Variants in VEZT observed in about 807,000 individuals in gnomAD.
VEZT encodes vezatin, adherens junctions transmembrane protein, also known as vezatin.
A neutral mutation model predicts 79.9 loss-of-function variants in VEZT; 39 were observed. That is an observed-to-expected ratio of 0.49 (90% CI 0.38 to 0.64). VEZT has a LOEUF of 0.64. Among genes scored for constraint, VEZT ranks in the 30% least tolerant of loss-of-function variants. The pLI is 0.00. For missense variants in VEZT, 837 were observed against 893.1 expected, an observed-to-expected ratio of 0.94 and a Z score of 0.80; for synonymous variants, 325 against 327.6, an observed-to-expected ratio of 0.99 and a Z score of 0.09.
intron 4 of VEZT, 58 bp from the exon 5 acceptor site, chr12:95,266,299 A>G (rs1040012668): frequency 2.0e-5 from 30 of 1,516,384 alleles, no homozygotes; most frequent in Non-Finnish European, 2.7e-5. Flanking sequence ...TGATTAAAGT[A>G]ATTCATCTTT....
Position 95,302,765 on chromosome 12 carries a change from T to C in VEZT, c.*2092T>C, listed in dbSNP as rs1459088639. The C allele has an allele frequency of 1.3e-5, 2 of 152,224 alleles. No homozygotes were observed. The highest frequency in any genetic ancestry group is 2.9e-5 in the Non-Finnish European group (2 of 68,046). The allele number at this position is 152,224 out of a possible 1,614,324, so 9.4% of individuals were successfully genotyped here. On this transcript the variant is annotated 3_prime_UTR_variant, in exon 12 of 12. Transcript: ENST00000436874. ...TTTGGAATGAGCCATAGGTAATGTT[T>C]ATGTCCAATAAAATCTAGGAACCTC...
chr12:95,259,042 TAA>T (rs1445712488), intron 3 of VEZT, among the ~76,000 whole-genome samples: 1 of 152,216 alleles, frequency 6.6e-6, no homozygotes, highest in Non-Finnish European at 1.5e-5. Context: ...ACGTCAGCAC[TAA>T]AGAGTCTGCA....
intron 1 of VEZT, chr12:95,218,184 C>CGG (rs5800194): frequency 2.8e-4 from 77 of 276,208 alleles, no homozygotes; most frequent in Middle Eastern, 1.0e-3. Flanking sequence ...GGATGTGCGG[C>CGG]GGGGGGGACT....
chr12:95,277,838 T>C (rs2068106906), intron 7 of VEZT, among the ~76,000 whole-genome samples: 1 of 152,268 alleles, frequency 6.6e-6, no homozygotes, highest in African/African-American at 2.4e-5. Flanking sequence ...TAGCTGTTAT[T>C]CTTTAAGAAG....
At chr12:95,241,974 C>T (rs1026121578) in intron 1 of VEZT, among the ~76,000 whole-genome samples, 6 of 152,064 alleles carry the variant, frequency 3.9e-5, no homozygotes, top group Non-Finnish European at 7.4e-5. Context: ...TATTAAAAAG[C>T]GTAGACATTG....
At chr12:95,253,504 C>T (rs2062952601) in intron 2 of VEZT, among the ~76,000 whole-genome samples, 1 of 152,080 alleles carries the variant, frequency 6.6e-6, no homozygotes, top group Non-Finnish European at 1.5e-5. Flanking sequence ...GTGAATGTTC[C>T]TGGGAAGTGG....
intron 10 of VEZT, among the ~76,000 whole-genome samples, chr12:95,294,970 G>C (rs1425930514): frequency 6.6e-6 from 1 of 152,130 alleles, no homozygotes; most frequent in Non-Finnish European, 1.5e-5. Context: ...AGATAAGCAG[G>C]CTTGAATGAT....
At chr12:95,256,890 C>T (rs2063562842) in intron 2 of VEZT, among the ~76,000 whole-genome samples, 1 of 152,116 alleles carries the variant, frequency 6.6e-6, no homozygotes, top group Non-Finnish European at 1.5e-5. Context: ...GGCCTCATTC[C>T]AAATGTATTG....
intron 11 of VEZT, among the ~76,000 whole-genome samples, chr12:95,298,513 G>T (rs956598683): frequency 2.0e-5 from 3 of 151,994 alleles, no homozygotes; most frequent in Admixed American, 6.6e-5. Context: ...TTAAATAGGG[G>T]CCTTATTATC....
intron 1 of VEZT, among the ~76,000 whole-genome samples, chr12:95,230,574 C>CTT (rs56104790): frequency 1.5e-5 from 2 of 137,142 alleles, no homozygotes; most frequent in Non-Finnish European, 1.6e-5. Context: ...GTTATCTCTC[C>CTT]TTTTTTTTTT....
chr12:95,271,040 A>G (rs1445117977), intron 6 of VEZT, among the ~76,000 whole-genome samples: 1 of 152,194 alleles, frequency 6.6e-6, no homozygotes, highest in African/African-American at 2.4e-5. Flanking sequence ...AAACCTTTGT[A>G]GCTAGATTTT....
intron 9 of VEZT, among the ~76,000 whole-genome samples, chr12:95,292,047 A>G (rs2072985733): frequency 6.6e-6 from 1 of 152,146 alleles, no homozygotes; most frequent in African/African-American, 2.4e-5. Context: ...TGATCAGCCC[A>G]TATCAGCCTC....
intron 9 of VEZT, among the ~76,000 whole-genome samples, chr12:95,289,852 T>A (rs2072256700): frequency 6.6e-6 from 1 of 152,232 alleles, no homozygotes; most frequent in Non-Finnish European, 1.5e-5. Context: ...TCCCTAGTTG[T>A]TGACATTCTG....
chr12:95,277,544 T>C (rs1224542533), intron 7 of VEZT, among the ~76,000 whole-genome samples: 1 of 152,236 alleles, frequency 6.6e-6, no homozygotes, highest in African/African-American at 2.4e-5. Context: ...TTTCACACCC[T>C]TTCGAATTTA....
intron 1 of VEZT, chr12:95,218,223 G>T: frequency 4.5e-6 from 1 of 222,988 alleles, no homozygotes; most frequent in Non-Finnish European, 8.8e-6. Flanking sequence ...GCCGAATCGT[G>T]CCTTTTAGAT....
chr12:95,230,186 C>T (rs1418824394), intron 1 of VEZT, among the ~76,000 whole-genome samples: 1 of 151,008 alleles, frequency 6.6e-6, no homozygotes, highest in East Asian at 1.9e-4. Flanking sequence ...TACATTGAGA[C>T]TTCCTGTTGT....
chr12:95,223,315 GT>G (rs536611519), intron 1 of VEZT, among the ~76,000 whole-genome samples: 116 of 152,036 alleles, frequency 7.6e-4, no homozygotes, highest in South Asian at 3.3e-3. Flanking sequence ...TTTTATCTAG[GT>G]TTTCAAAATT....
Position 95,300,344 on chromosome 12 carries a change from G to A in VEZT, c.2011G>A (p.Gly671Ser). The A allele has an allele frequency of 6.2e-7, 1 of 1,612,190 alleles. No homozygotes were observed. Among genetic ancestry groups the A allele is most frequent in the South Asian group, 1.1e-5 (1 of 90,572 alleles). The change falls in exon 12 of 12, where the codon GGT becomes AGT. Residue 671 changes from glycine (G) to serine (S), a missense_variant. Coordinates refer to ENST00000436874, the MANE Select transcript of VEZT (RefSeq NM_017599.4). ...GTATTTATGTGAAAACTCTCTAGAA[G>A]GTAAAAATAAAGATAATTCTTCAAA... Reference protein sequence around the residue: ...TEYLCENSLEGKNKDNSSNEV... With the variant: ...TEYLCENSLESKNKDNSSNEV...
chr12:95,282,086 A>G, intron 7 of VEZT, among the ~76,000 whole-genome samples: 1 of 152,134 alleles, frequency 6.6e-6, no homozygotes, highest in East Asian at 1.9e-4. Flanking sequence ...GAACTGTAGT[A>G]AATTATATAT....
Sources: allele counts gnomAD v4.1 joint callset (sites outside exome capture counted in the v4.1 genomes callset), GRCh38; gene constraint gnomAD v4.1.1; transcripts MANE v1.5; gene names NCBI Gene and HGNC (gene_info 2026-07-23, HGNC 2026-07-21).